TMEM108: variants seen among roughly 807,000 people sequenced by gnomAD.
The protein encoded by TMEM108 is cancer/testis antigen 124.
Under a neutral mutation model 35.1 loss-of-function variants are expected in TMEM108, and 12 were observed. The observed-to-expected ratio is 0.34, with a 90% CI of 0.22 to 0.55. TMEM108 has a LOEUF of 0.55. Among genes scored for constraint, TMEM108 ranks in the 20% least tolerant of loss-of-function variants. The pLI, the probability that TMEM108 is intolerant of heterozygous loss-of-function variation, is 0.89. For synonymous variants in TMEM108, 287 were observed against 308.6 expected (o/e 0.93, Z 0.73); for missense variants, 680 against 753.3 (o/e 0.90, Z 1.14).
At chr3:133,199,467 T>C (rs1945628072) in intron 2 of TMEM108, among the ~76,000 whole-genome samples, 1 of 152,218 alleles carries the variant, frequency 6.6e-6, no homozygotes, top group African/African-American at 2.4e-5. Context: ...AGAGTTTTGG[T>C]GTGGATGTCC....
At chr3:133,220,897 G>T (rs1176172370) in intron 2 of TMEM108, among the ~76,000 whole-genome samples, 1 of 152,178 alleles carries the variant, frequency 6.6e-6, no homozygotes, top group Non-Finnish European at 1.5e-5. Flanking sequence ...TGCTAGAGTG[G>T]CTCATAGAGC....
At chr3:133,133,836 T>C (rs1292606489) in intron 2 of TMEM108, among the ~76,000 whole-genome samples, 2 of 151,712 alleles carry the variant, frequency 1.3e-5, no homozygotes, top group Non-Finnish European at 2.9e-5. Flanking sequence ...CGATCTCGGC[T>C]CACTGCAAAC....
rs147675899 is a variant in TMEM108, at chr3:133,266,199, T to A, written c.40+36848T>A. On this transcript the variant is annotated intron_variant, in intron 3 of 5. Transcript: ENST00000321871. The stretch of plus-strand genomic sequence containing the variant: ...TTGTGGGGGTTGCTGTTAGGTTTTT[T>A]TTGTTGCTGTTGTTTGTTTGTTTTA... Among the ~76,000 whole-genome samples the A allele has an allele frequency of 4.3e-3, 649 of 152,358 alleles. 2 individuals carry two copies. Among genetic ancestry groups the A allele is most frequent in the African/African-American group, 0.014 (602 of 41,582 alleles).
chr3:133,232,399 ATTGGCTCCCC>A (rs1436651512), intron 3 of TMEM108, among the ~76,000 whole-genome samples: 1 of 152,210 alleles, frequency 6.6e-6, no homozygotes, highest in East Asian at 1.9e-4. Context: ...CTCTGCACAT[ATTGGCTCCCC>A]TTTACCTTCC....
At chr3:133,307,148 CTGTT>C (rs545173201) in intron 3 of TMEM108, among the ~76,000 whole-genome samples, 31 of 152,252 alleles carry the variant, frequency 2.0e-4, no homozygotes, top group Admixed American at 7.8e-4. Flanking sequence ...TCTCATGTGT[CTGTT>C]TGTTGCATAA....
Position 133,291,892 on chromosome 3 carries a change from C to G in TMEM108, c.40+62541C>G, listed in dbSNP as rs546929067. Among the ~76,000 whole-genome samples the G allele has an allele frequency of 3.3e-5, 5 of 152,218 alleles. No homozygotes were observed. In the South Asian group the frequency reaches 1.0e-3, roughly 32 times the overall value. On this transcript the variant is annotated intron_variant, in intron 3 of 5. Coordinates refer to ENST00000321871, the MANE Select transcript of TMEM108 (RefSeq NM_023943.4). ...TCTCTCTACTGCCTTCCTCCCTTCC[C>G]AAAACATTCAGAGTTAATCCCACTG... is the stretch of plus-strand genomic sequence containing the variant.
intron 2 of TMEM108, among the ~76,000 whole-genome samples, chr3:133,142,760 G>A (rs920670645): frequency 1.3e-5 from 2 of 152,184 alleles, no homozygotes; most frequent in Non-Finnish European, 2.9e-5. Context: ...TGATAAGGCT[G>A]TTAGTGTAGT....
Position 133,237,322 on chromosome 3 carries a change from C to T in TMEM108, c.40+7971C>T, listed in dbSNP as rs114794610. On this transcript the variant is annotated intron_variant, in intron 3 of 5. Coordinates refer to ENST00000321871, the MANE Select transcript of TMEM108 (RefSeq NM_023943.4). ...TGCATTTGGATACTAGCAATACTAG[C>T]TCCTGTTGAACTTAACACATGAATC... is the stretch of plus-strand genomic sequence containing the variant. Among the ~76,000 whole-genome samples, 1,007 of 152,202 alleles carry T rather than the reference C, an allele frequency of 6.6e-3. 16 individuals carry two copies. Among genetic ancestry groups the T allele is most frequent in the African/African-American group, 0.023 (950 of 41,546 alleles).
intron 3 of TMEM108, among the ~76,000 whole-genome samples, chr3:133,252,099 ATGAC>A (rs1054791602): frequency 3.9e-5 from 6 of 152,180 alleles, no homozygotes; most frequent in South Asian, 2.1e-4. Context: ...CCTTGAAATA[ATGAC>A]TGACTGACCA....
chr3:133,297,743 T>TG (rs1372654556), intron 3 of TMEM108, among the ~76,000 whole-genome samples: 3 of 152,174 alleles, frequency 2.0e-5, no homozygotes, highest in Non-Finnish European at 4.4e-5. Context: ...AAAGGAGTGG[T>TG]GGGGACCACA....
chr3:133,340,753 G>A (rs2071637989), intron 3 of TMEM108, among the ~76,000 whole-genome samples: 1 of 151,772 alleles, frequency 6.6e-6, no homozygotes, highest in African/African-American at 2.4e-5. Flanking sequence ...TCCCAGGGAT[G>A]CAAGGATAAT....
intron 1 of TMEM108, among the ~76,000 whole-genome samples, chr3:133,044,195 T>C (rs1273518947): frequency 6.6e-6 from 1 of 152,248 alleles, no homozygotes; most frequent in African/African-American, 2.4e-5. Context: ...AACCTAATTA[T>C]GTTATGTAAT....
intron 3 of TMEM108, among the ~76,000 whole-genome samples, chr3:133,313,446 A>G: frequency 6.6e-6 from 1 of 152,142 alleles, no homozygotes; most frequent in South Asian, 2.1e-4. Context: ...TGGCCTCCCA[A>G]AGTGCTGGGA....
At position 133,368,109 on chromosome 3, in the gene TMEM108, T is replaced by C. The variant is rs552792607; in HGVS notation, c.41-11643T>C. The stretch of plus-strand genomic sequence containing the variant: ...AGGAGTCCCAAAGGTCCTGTTATGC[T>C]CTCTGACGAGTGCACTGGACCAGAC... On this transcript the variant is annotated intron_variant, in intron 3 of 5. Transcript: ENST00000321871. 7.4e-4 allele frequency among the ~76,000 whole-genome samples: 113 copies of C among 152,216 alleles called. 1 individual carries two copies. The highest frequency in any genetic ancestry group is 1.5e-4 in the Non-Finnish European group (10 of 68,016).
At chr3:133,258,871 A>C (rs1183215373) in intron 3 of TMEM108, among the ~76,000 whole-genome samples, 1 of 152,238 alleles carries the variant, frequency 6.6e-6, no homozygotes, top group African/African-American at 2.4e-5. Context: ...TCTGCCTCCA[A>C]GTGGCTTAAA....
At chr3:133,236,217 G>A (rs1040259588) in intron 3 of TMEM108, among the ~76,000 whole-genome samples, 4 of 152,068 alleles carry the variant, frequency 2.6e-5, no homozygotes, top group Admixed American at 2.6e-4. Context: ...AGTACACCCT[G>A]CTAGCTCATT....
intron 3 of TMEM108, among the ~76,000 whole-genome samples, chr3:133,361,573 T>A (rs1469537605): frequency 6.6e-6 from 1 of 152,208 alleles, no homozygotes; most frequent in Non-Finnish European, 1.5e-5. Flanking sequence ...TTGTCTCGGC[T>A]TCCGTTGGCA....
chr3:133,069,255 TA>T (rs1208742663), intron 2 of TMEM108, among the ~76,000 whole-genome samples: 2 of 152,226 alleles, frequency 1.3e-5, no homozygotes, highest in Non-Finnish European at 2.9e-5. Context: ...AGACTTATTT[TA>T]TTGGTCCTAG....
chr3:133,367,995 T>C (rs72980034), intron 3 of TMEM108, among the ~76,000 whole-genome samples: 17,000 of 152,230 alleles, frequency 0.11, 2,487 homozygotes, highest in African/African-American at 0.34. Context: ...TTTCTGGCTT[T>C]GGAGAATTTG....
Sources: allele counts gnomAD v4.1 joint callset (sites outside exome capture counted in the v4.1 genomes callset), GRCh38; gene constraint gnomAD v4.1.1; transcripts MANE v1.5; gene names NCBI Gene and HGNC (gene_info 2026-07-23, HGNC 2026-07-21).